Variants in OGDH observed in about 807,000 individuals in gnomAD.
OGDH encodes oxoglutarate dehydrogenase.
Under a neutral mutation model 116.6 loss-of-function variants are expected in OGDH, and 38 were observed. The observed-to-expected ratio is 0.33, with a 90% CI of 0.25 to 0.43. The LOEUF is 0.43. Among genes scored for constraint, OGDH ranks in the 20% least tolerant of loss-of-function variants. The pLI is 1.00. For missense variants in OGDH, 825 were observed against 1,357.2 expected (o/e 0.61, Z 6.16); for synonymous variants, 488 against 533.3 (o/e 0.92, Z 1.17).
Position 44,689,310 on chromosome 7 carries a change from G to C in OGDH, c.1336-4515G>C, listed in dbSNP as rs1425366513. On this transcript the variant is annotated intron_variant, in intron 10 of 22. Coordinates refer to ENST00000222673, the MANE Select transcript of OGDH (RefSeq NM_002541.4). ...AGCTCACTGCAACTTCTGCCTCCCA[G>C]GTTCTAGCGATTCTTCTGCCTCAGT... Among the ~76,000 whole-genome samples, 5 of 146,094 alleles carry C rather than the reference G, an allele frequency of 3.4e-5. No homozygotes were observed. The South Asian group carries it at 8.6e-4, about 25-fold the overall frequency.
At chr7:44,644,356 A>G (rs1786079372) in intron 2 of OGDH, among the ~76,000 whole-genome samples, 1 of 152,236 alleles carries the variant, frequency 6.6e-6, no homozygotes. Flanking sequence ...AGTATCTGCA[A>G]ATTGTAAATC....
intron 4 of OGDH, among the ~76,000 whole-genome samples, chr7:44,662,255 T>G (rs755478664): frequency 7.2e-5 from 11 of 152,154 alleles, no homozygotes; most frequent in Non-Finnish European, 1.6e-4. Context: ...TATTGTTTCC[T>G]TTCTGTTTAA....
At chr7:44,655,644 A>T (rs2115915090) in intron 4 of OGDH, among the ~76,000 whole-genome samples, 1 of 152,364 alleles carries the variant, frequency 6.6e-6, no homozygotes, top group South Asian at 2.1e-4. Context: ...TGTTTTGTGT[A>T]TCCAAATAAA....
At chr7:44,702,995 G>A (rs1788901952) in intron 20 of OGDH, among the ~76,000 whole-genome samples, 1 of 152,118 alleles carries the variant, frequency 6.6e-6, no homozygotes, top group Non-Finnish European at 1.5e-5. Flanking sequence ...CTATAAATTT[G>A]ACTACTCTAT....
At chr7:44,671,064 C>CT (rs1456092943) in intron 5 of OGDH, among the ~76,000 whole-genome samples, 1 of 151,062 alleles carries the variant, frequency 6.6e-6, no homozygotes, top group African/African-American at 2.4e-5. Flanking sequence ...TTGGGGTTGT[C>CT]TTAGTCCATT....
chr7:44,658,525 T>C (rs986736826), intron 4 of OGDH, among the ~76,000 whole-genome samples: 3 of 151,612 alleles, frequency 2.0e-5, no homozygotes, highest in Non-Finnish European at 4.4e-5. Context: ...TAGGAAGTTA[T>C]TTCATCCTTC....
chr7:44,674,998 T>G (rs1787626323), intron 7 of OGDH, among the ~76,000 whole-genome samples, 180 bp from the exon 8 acceptor site: 1 of 151,728 alleles, frequency 6.6e-6, no homozygotes, highest in Admixed American at 6.6e-5. Flanking sequence ...TGGCCTTGAT[T>G]GCCCAGCACG....
In OGDH at chr7:44,697,360, C is replaced by G; in HGVS notation, c.2052-10C>G. On this transcript the variant is annotated splice_polypyrimidine_tract_variant and intron_variant, in intron 15 of 22. Transcript: ENST00000222673. The surrounding 1 kb of genome is among the most constrained non-coding windows in gnomAD (Gnocchi z 6.0). ...AGCTCCTAATTATTACCTCTGTTGT[C>G]CTGTCTCAGCCACCGCCACCATGTG... 1 of 1,614,142 alleles carries G rather than the reference C, an allele frequency of 6.2e-7. No homozygotes were observed. Among genetic ancestry groups the G allele is most frequent in the Non-Finnish European group, 8.5e-7 (1 of 1,180,010 alleles).
At chr7:44,663,698 C>T (rs527654114) in intron 4 of OGDH, among the ~76,000 whole-genome samples, 2 of 152,204 alleles carry the variant, frequency 1.3e-5, no homozygotes, top group Non-Finnish European at 2.9e-5. Flanking sequence ...TGCTCAAGCC[C>T]GAGAGGCGGA....
At chr7:44,628,180 A>T (rs74438045) in intron 2 of OGDH, among the ~76,000 whole-genome samples, 2,620 of 152,300 alleles carry the variant, frequency 0.017, 73 homozygotes, top group African/African-American at 0.059. Context: ...ATTTTAAGGC[A>T]AATTCCAGAC....
At chr7:44,662,861 TA>T (rs1364513555) in intron 4 of OGDH, among the ~76,000 whole-genome samples, 1 of 152,000 alleles carries the variant, frequency 6.6e-6, no homozygotes, top group Non-Finnish European at 1.5e-5. Context: ...CAACTGCTTT[TA>T]AGATTTTTTC....
In OGDH at chr7:44,655,489, T is replaced by C. The variant is rs560036867; in HGVS notation, c.517+7730T>C. Among the ~76,000 whole-genome samples, 132 of 152,222 alleles carry C rather than the reference T, an allele frequency of 8.7e-4. No individual in the cohort carries two copies. The Middle Eastern group carries it at 0.017, about 20-fold the overall frequency. On this transcript the variant is annotated intron_variant, in intron 4 of 22. Coordinates refer to ENST00000222673, the MANE Select transcript of OGDH (RefSeq NM_002541.4). ...TTCAAAGGAAGCACTTGCTGGCCTT[T>C]CTCTGCACTCCCAGTACAGGGAGCA... is the stretch of plus-strand genomic sequence containing the variant.
chr7:44,653,837 G>GT (rs111884223), intron 4 of OGDH, among the ~76,000 whole-genome samples: 24,061 of 150,256 alleles, frequency 0.16, 4,365 homozygotes, highest in African/African-American at 0.43. Flanking sequence ...AATTAAATTT[G>GT]TTTTTTTTTA....
At chr7:44,649,814 G>A (rs1042441412) in intron 4 of OGDH, among the ~76,000 whole-genome samples, 1 of 152,092 alleles carries the variant, frequency 6.6e-6, no homozygotes, top group African/African-American at 2.4e-5. Flanking sequence ...CCAGAATCTG[G>A]GAATCTCTTC....
At chr7:44,689,962 A>C (rs1423118122) in intron 10 of OGDH, among the ~76,000 whole-genome samples, 3 of 152,206 alleles carry the variant, frequency 2.0e-5, no homozygotes, top group African/African-American at 7.2e-5. Flanking sequence ...GAGGTCACAA[A>C]GTTTTACCTC....
At chr7:44,623,762 C>T (rs1420516802) in intron 1 of OGDH, among the ~76,000 whole-genome samples, 2 of 152,190 alleles carry the variant, frequency 1.3e-5, no homozygotes, top group Non-Finnish European at 2.9e-5. Flanking sequence ...TCTCCTGCCT[C>T]AGCCTCCCAA....
intron 1 of OGDH, among the ~76,000 whole-genome samples, chr7:44,616,769 G>A (rs1426807124): frequency 5.4e-5 from 7 of 130,230 alleles, no homozygotes; most frequent in East Asian, 2.2e-4. Context: ...ATATATACAC[G>A]TATATGTGTA....
In OGDH at chr7:44,674,472, G is replaced by A; in HGVS notation, c.850G>A (p.Glu284Lys). 6.2e-7 allele frequency: 1 copy of A among 1,614,132 alleles called. No individual in the cohort carries two copies. Among genetic ancestry groups the A allele is most frequent in the Non-Finnish European group, 8.5e-7 (1 of 1,180,012 alleles). Residue 284 changes from glutamate to lysine, a missense_variant, in exon 7 of 23, where the codon GAG becomes AAG. Around this residue, in one of 7 missense-constraint regions of OGDH, gnomAD observed 171 missense variants for 276.8 expected, o/e 0.62. Transcript: ENST00000222673. ...SEKRFGLEGC[E>K]VLIPALKTII... The stretch of plus-strand genomic sequence containing the variant: ...GAAGCGCTTTGGTCTAGAAGGCTGC[G>A]AGGTACTGATCCCTGCCCTCAAGAC...
Position 44,698,607 on chromosome 7 carries a change from G to A in OGDH, c.2430+344G>A, listed in dbSNP as rs1788691899. Among the ~76,000 whole-genome samples, 3 of 152,090 alleles carry A rather than the reference G, an allele frequency of 2.0e-5. No individual in the cohort carries two copies. In the South Asian group the frequency reaches 6.2e-4, roughly 32 times the overall value. Reference sequence around the variant, plus strand: ...GAAGCCCTGAGGAGGAGAGAACTTTGGGGCGATTCCAGTGAAACTTTAAGA... The same window carrying A: ...GAAGCCCTGAGGAGGAGAGAACTTTAGGGCGATTCCAGTGAAACTTTAAGA... On this transcript the variant is annotated intron_variant, in intron 18 of 22. Coordinates refer to ENST00000222673, the MANE Select transcript of OGDH (RefSeq NM_002541.4).
Sources: allele counts gnomAD v4.1 joint callset (sites outside exome capture counted in the v4.1 genomes callset), GRCh38; gene constraint gnomAD v4.1.1; regional missense constraint gnomAD v4.1.1; non-coding constraint Gnocchi (gnomAD v3.1); transcripts MANE v1.5; gene names NCBI Gene and HGNC (gene_info 2026-07-23, HGNC 2026-07-21).